The following COL27A1 variants were observed in gnomAD, a reference collection of about 807,000 sequenced individuals.
COL27A1 encodes the protein collagen type XXVII alpha 1 chain.
A neutral mutation model predicts 251.3 loss-of-function variants in COL27A1; 106 were observed. That is an observed-to-expected ratio of 0.42 (90% CI 0.36 to 0.50). COL27A1 has a LOEUF of 0.50. Among genes scored for constraint, COL27A1 ranks in the 20% least tolerant of loss-of-function variants. COL27A1 has a pLI of 0.00. For synonymous variants in COL27A1, 1,000 were observed against 986.3 expected (o/e 1.01, Z -0.26); for missense variants, 2,325 against 2,522.8 (o/e 0.92, Z 1.68).
At chr9:114,246,091 C>T in intron 24 of COL27A1, 181 bp downstream of exon 24, 1 of 549,712 alleles carries the variant, frequency 1.8e-6, no homozygotes, top group Non-Finnish European at 3.2e-6. Context: ...ACGGGGAAGT[C>T]TGTAAATGAG....
In COL27A1 at chr9:114,211,002, C is replaced by A. The variant is rs1249796457; in HGVS notation, c.2343C>A (p.Gly781=). ...TGCAGGGCCTGCCTGGCGTTCCTGG[C>A]AAGAGGGGCAAGATGGGTATGCCGG... is the stretch of plus-strand genomic sequence containing the variant. The part of the protein sequence containing the change: ...DGERGLPGVP[G]KRGKMGMPGF... Residue 781 remains glycine (G), a synonymous_variant, in exon 12 of 61, where the codon GGC becomes GGA. Transcript: ENST00000356083. 2 of 1,614,100 alleles carry A rather than the reference C, an allele frequency of 1.2e-6. No homozygotes were observed. Among genetic ancestry groups the A allele is most frequent in the East Asian group, 2.2e-5 (1 of 44,888 alleles).
At position 114,169,239 on chromosome 9, in the gene COL27A1, G is replaced by A. The variant is rs1430627145; in HGVS notation, c.1684G>A (p.Ala562Thr). 2.5e-6 allele frequency: 4 copies of A among 1,613,666 alleles called. No homozygotes were observed. Among genetic ancestry groups the A allele is most frequent in the Non-Finnish European group, 3.4e-6 (4 of 1,179,882 alleles). ...GCCTGTCCCCCTCAGACCTGGGAAGGCAGCCAGGGATGTCCCCTTGAGCGA... is the reference window on the plus strand; with the variant it reads ...GCCTGTCCCCCTCAGACCTGGGAAGACAGCCAGGGATGTCCCCTTGAGCGA... ...RKPVPLRPGK[A>T]ARDVPLSDLT... The change falls in exon 3 of 61, where the codon GCA (alanine) becomes ACA (threonine). Residue 562 changes from alanine to threonine, a missense_variant. This residue lies in a region of COL27A1 where 1,183 missense variants were observed against 1,144.1 expected (regional missense o/e 1.03). Transcript: ENST00000356083.
At chr9:114,209,289 C>T (rs146928580) in intron 10 of COL27A1, 7,289 of 421,132 alleles carry the variant, frequency 0.017, 126 homozygotes, top group Non-Finnish European at 0.02. Context: ...GGAGCCATGG[C>T]AGGAGCCACG....
At position 114,300,034 on chromosome 9, in the gene COL27A1, G is replaced by C. The variant is rs1224276511; in HGVS notation, c.4585-36G>C. On this transcript the variant is annotated intron_variant, in intron 49 of 60. Coordinates refer to ENST00000356083, the MANE Select transcript of COL27A1 (RefSeq NM_032888.4). ...GGCTGGCGGGACACGCTGACCATGA[G>C]CTCACTCGCTCCATCACTTCCTGTT... 4 of 1,611,748 alleles carry C rather than the reference G, an allele frequency of 2.5e-6. No individual in the cohort carries two copies. In the African/African-American group the frequency reaches 5.3e-5, roughly 22 times the overall value.
chr9:114,180,300 T>C (rs1174847391), intron 4 of COL27A1, among the ~76,000 whole-genome samples: 1 of 152,228 alleles, frequency 6.6e-6, no homozygotes, highest in Non-Finnish European at 1.5e-5. Context: ...AGAGTTCTAA[T>C]GTAGGAGTCA....
intron 24 of COL27A1, 36 bp downstream of exon 24, chr9:114,245,946 T>C: frequency 6.3e-7 from 1 of 1,595,058 alleles, no homozygotes; most frequent in East Asian, 2.2e-5. Context: ...AGTGGCTCCA[T>C]TTATTGGGCC....
intron 6 of COL27A1, among the ~76,000 whole-genome samples, chr9:114,195,586 C>A (rs113860243): frequency 0.028 from 4,259 of 152,300 alleles, 180 homozygotes; most frequent in African/African-American, 0.086. Flanking sequence ...GCATGCCCAG[C>A]AATGGAAGGT....
chr9:114,248,819 G>T (rs1177258052), intron 24 of COL27A1, among the ~76,000 whole-genome samples: 1 of 152,226 alleles, frequency 6.6e-6, no homozygotes, highest in East Asian at 1.9e-4. Context: ...AAGTAGCTAT[G>T]AAATTTCTGT....
intron 9 of COL27A1, 78 bp downstream of exon 9, chr9:114,205,890 G>A: frequency 1.5e-6 from 2 of 1,374,436 alleles, no homozygotes; most frequent in East Asian, 2.3e-5. Flanking sequence ...GCAGAGGGAG[G>A]TGGTGGGCTG....
At chr9:114,174,236 G>A (rs1214800204) in intron 3 of COL27A1, among the ~76,000 whole-genome samples, 1 of 152,048 alleles carries the variant, frequency 6.6e-6, no homozygotes, top group Non-Finnish European at 1.5e-5. Context: ...GACTCACTGG[G>A]GAGAGTTAAA....
chr9:114,288,174 C>T (rs1339448693), intron 41 of COL27A1, among the ~76,000 whole-genome samples: 3 of 152,110 alleles, frequency 2.0e-5, no homozygotes, highest in East Asian at 3.9e-4. Context: ...CTTTGCAAGC[C>T]GGGATGTGAA....
chr9:114,271,531 C>T (rs1211981000), intron 36 of COL27A1: 3 of 152,568 alleles, frequency 2.0e-5, no homozygotes, highest in Non-Finnish European at 4.4e-5. Context: ...CAACTTGACC[C>T]TGCTGCTCCC....
intron 58 of COL27A1, 172 bp from the exon 59 acceptor site, chr9:114,307,497 C>G: frequency 1.6e-6 from 1 of 609,702 alleles, no homozygotes; most frequent in Non-Finnish European, 2.9e-6. Flanking sequence ...TGAGCTCTGC[C>G]CAGAAGGTTT....
chr9:114,195,707 T>C (rs1829073560), intron 6 of COL27A1, among the ~76,000 whole-genome samples: 1 of 152,200 alleles, frequency 6.6e-6, no homozygotes, highest in Admixed American at 6.5e-5. Flanking sequence ...ATTCTTCAAG[T>C]GGTGTCTTCT....
At chr9:114,183,314 A>G (rs998747278) in intron 5 of COL27A1, among the ~76,000 whole-genome samples, 1 of 152,200 alleles carries the variant, frequency 6.6e-6, no homozygotes. Context: ...CAGAGCCTTC[A>G]GGGGAGTGGG....
At chr9:114,211,716 G>C (rs555792258) in intron 12 of COL27A1, among the ~76,000 whole-genome samples, 1 of 152,356 alleles carries the variant, frequency 6.6e-6, no homozygotes, top group South Asian at 2.1e-4. Flanking sequence ...TTTGATCTCA[G>C]TGGCTGCTTG....
intron 32 of COL27A1, 57 bp from the exon 33 acceptor site, chr9:114,266,508 C>A: frequency 6.6e-7 from 1 of 1,507,730 alleles, no homozygotes. Flanking sequence ...CCTCCAGATC[C>A]CAAAGAGGGC....
rs1419411451 is a variant in COL27A1 at position 114,245,438 on chromosome 9, T to C, written c.2935-428T>C. On this transcript the variant is annotated intron_variant, in intron 23 of 60. Transcript: ENST00000356083. ...TCCCAAAGTGCTGGGATTACAGGCG[T>C]GAGCCACCGCACCTGGCCCAGAATG... Among the ~76,000 whole-genome samples, 4 of 152,144 alleles carry C rather than the reference T, an allele frequency of 2.6e-5. No individual in the cohort carries two copies. The East Asian group carries it at 7.7e-4, about 29-fold the overall frequency.
chr9:114,197,145 G>A (rs1317647889), intron 7 of COL27A1, among the ~76,000 whole-genome samples: 1 of 152,158 alleles, frequency 6.6e-6, no homozygotes, highest in East Asian at 1.9e-4. Flanking sequence ...TGGATTGTCT[G>A]GTGAATCCAT....
Sources: allele counts gnomAD v4.1 joint callset (sites outside exome capture counted in the v4.1 genomes callset), GRCh38; gene constraint gnomAD v4.1.1; regional missense constraint gnomAD v4.1.1; transcripts MANE v1.5; gene names NCBI Gene and HGNC (gene_info 2026-07-23, HGNC 2026-07-21).